RALGAPA2: variants seen among roughly 807,000 people sequenced by gnomAD.
RALGAPA2 encodes ral GTPase-activating protein subunit alpha-2.
In RALGAPA2, 139 loss-of-function variants were observed where a neutral mutation model predicts 230.4. The ratio of observed to expected loss-of-function variants is 0.60; its 90% CI spans 0.53 to 0.69. The LOEUF is 0.69. Among genes scored for constraint, RALGAPA2 ranks in the 30% least tolerant of loss-of-function variants. RALGAPA2 has a pLI of 0.00. For missense variants in RALGAPA2, 2,163 were observed against 2,276.0 expected (o/e 0.95, Z 1.01); for synonymous variants, 847 against 837.8 (o/e 1.01, Z -0.19).
chr20:20,587,082 C>T (rs926580727), intron 18 of RALGAPA2, among the ~76,000 whole-genome samples: 4 of 151,802 alleles, frequency 2.6e-5, no homozygotes, highest in Non-Finnish European at 4.4e-5. Flanking sequence ...ATAGCATATA[C>T]CAAAAAGAAC....
chr20:20,632,321 T>C (rs574276309), intron 9 of RALGAPA2, among the ~76,000 whole-genome samples: 4 of 152,104 alleles, frequency 2.6e-5, no homozygotes, highest in Non-Finnish European at 4.4e-5. Flanking sequence ...TGAGCCACCG[T>C]GCCCGGCCCC....
At chr20:20,503,714 C>G (rs1052784324) in intron 34 of RALGAPA2, among the ~76,000 whole-genome samples, 1 of 152,058 alleles carries the variant, frequency 6.6e-6, no homozygotes, top group Non-Finnish European at 1.5e-5. Flanking sequence ...ACAATCATAT[C>G]AACTGAATAA....
rs59905848 is a variant in RALGAPA2 at position 20,455,861 on chromosome 20, A to T, written c.5495+16968T>A. On this transcript the variant is annotated intron_variant, in intron 37 of 39. Coordinates refer to ENST00000202677, the MANE Select transcript of RALGAPA2 (RefSeq NM_020343.4). The stretch of plus-strand genomic sequence containing the variant: ...GAGACAACTTCCAAGGCACAAAGAC[A>T]TAAACTCATCTAAAAAGTCAAATAC... Among the ~76,000 whole-genome samples the T allele has an allele frequency of 8.3e-3, 1,259 of 152,374 alleles. 14 individuals carry two copies. The highest frequency in any genetic ancestry group is 0.029 in the African/African-American group (1,194 of 41,588).
chr20:20,592,673 C>A (rs1602980775), intron 16 of RALGAPA2, among the ~76,000 whole-genome samples: 2 of 152,304 alleles, frequency 1.3e-5, no homozygotes, highest in East Asian at 3.9e-4. Flanking sequence ...GCTGGGTCAC[C>A]TGGTTTGTCA....
intron 1 of RALGAPA2, among the ~76,000 whole-genome samples, chr20:20,693,594 G>T (rs1603249724): frequency 6.6e-6 from 1 of 152,164 alleles, no homozygotes; most frequent in East Asian, 1.9e-4. Flanking sequence ...AAGTGATGAG[G>T]AGAGTGTTTA....
At chr20:20,705,349 G>A (rs190692134) in intron 1 of RALGAPA2, among the ~76,000 whole-genome samples, 200 of 152,086 alleles carry the variant, frequency 1.3e-3, no homozygotes, top group African/African-American at 4.5e-3. Flanking sequence ...TGGGACCACA[G>A]CACATGCAAC....
At chr20:20,699,033 C>T (rs985878737) in intron 1 of RALGAPA2, among the ~76,000 whole-genome samples, 2 of 152,186 alleles carry the variant, frequency 1.3e-5, no homozygotes, top group African/African-American at 4.8e-5. Flanking sequence ...GGAATAAACA[C>T]TGAAAACATT....
intron 38 of RALGAPA2, among the ~76,000 whole-genome samples, chr20:20,399,706 C>T (rs764909220): frequency 1.9e-4 from 29 of 152,330 alleles, no homozygotes; most frequent in Middle Eastern, 6.8e-3. Flanking sequence ...GTGTTATGTG[C>T]GGCTCCGCCT....
intron 39 of RALGAPA2, among the ~76,000 whole-genome samples, chr20:20,395,479 AGCAGGAGGACAT>A (rs2059693579): frequency 6.6e-6 from 1 of 152,326 alleles, no homozygotes; most frequent in South Asian, 2.1e-4. Flanking sequence ...TGGCGGCAGG[AGCAGGAGGACAT>A]GCATGGAGAC....
At chr20:20,586,733 C>A (rs1413192003) in intron 18 of RALGAPA2, among the ~76,000 whole-genome samples, 1 of 151,890 alleles carries the variant, frequency 6.6e-6, no homozygotes, top group Non-Finnish European at 1.5e-5. Context: ...GAAATATTAA[C>A]AGTAAAGATA....
At chr20:20,589,494 T>A (rs1011393222) in intron 17 of RALGAPA2, 129 bp from the exon 18 acceptor site, 2 of 1,021,414 alleles carry the variant, frequency 2.0e-6, no homozygotes, top group Non-Finnish European at 2.8e-6. Flanking sequence ...ACAGGAGTTA[T>A]GGGCCTGGCA....
At chr20:20,462,740 T>G (rs978018417) in intron 37 of RALGAPA2, among the ~76,000 whole-genome samples, 6 of 152,198 alleles carry the variant, frequency 3.9e-5, no homozygotes, top group Non-Finnish European at 8.8e-5. Context: ...TGCTGGGAGC[T>G]CACTGTATAC....
intron 30 of RALGAPA2, among the ~76,000 whole-genome samples, chr20:20,522,663 C>T (rs1427448293): frequency 1.3e-5 from 2 of 152,184 alleles, no homozygotes; most frequent in African/African-American, 4.8e-5. Context: ...GGTAAAAATT[C>T]ACCAGGCTTT....
intron 4 of RALGAPA2, among the ~76,000 whole-genome samples, chr20:20,646,893 T>C (rs1165611533): frequency 4.1e-5 from 1 of 24,114 alleles, no homozygotes; most frequent in Admixed American, 7.7e-4. Flanking sequence ...TGTTTCTATG[T>C]ACTTTTAATT....
At chr20:20,414,459 T>C (rs2060126356) in intron 37 of RALGAPA2, among the ~76,000 whole-genome samples, 1 of 152,172 alleles carries the variant, frequency 6.6e-6, no homozygotes, top group South Asian at 2.1e-4. Flanking sequence ...TGGCTGGCTA[T>C]GTTAATCAAG....
At chr20:20,533,024 GA>G (rs896423907) in intron 26 of RALGAPA2, among the ~76,000 whole-genome samples, 2 of 141,592 alleles carry the variant, frequency 1.4e-5, no homozygotes, top group African/African-American at 5.2e-5. Context: ...AAATAGAATG[GA>G]AAAAAAATCC....
At chr20:20,649,287 G>C (rs2067317139) in intron 4 of RALGAPA2, among the ~76,000 whole-genome samples, 1 of 152,176 alleles carries the variant, frequency 6.6e-6, no homozygotes, top group Non-Finnish European at 1.5e-5. Flanking sequence ...AGCAGGGAAA[G>C]CTGCCAGACT....
intron 38 of RALGAPA2, among the ~76,000 whole-genome samples, chr20:20,404,241 T>A (rs998047967): frequency 6.6e-6 from 1 of 152,210 alleles, no homozygotes; most frequent in Non-Finnish European, 1.5e-5. Context: ...TGGATGGGCA[T>A]GTTTCCCATT....
intron 31 of RALGAPA2, among the ~76,000 whole-genome samples, chr20:20,515,484 AAAAAACTATAAATCCT>A (rs2062841103): frequency 1.3e-5 from 2 of 152,228 alleles, no homozygotes; most frequent in South Asian, 4.1e-4. Context: ...TGAGACAGGT[AAAAAACTATAAATCCT>A]CAGAGTGTCA....
Sources: allele counts gnomAD v4.1 joint callset (sites outside exome capture counted in the v4.1 genomes callset), GRCh38; gene constraint gnomAD v4.1.1; transcripts MANE v1.5; gene names NCBI Gene and HGNC (gene_info 2026-07-23, HGNC 2026-07-21).